Variants in CMIP observed in about 807,000 individuals in gnomAD.
The protein encoded by CMIP is C-Maf-inducing protein.
CMIP carries 13 observed loss-of-function variants against 97.3 expected under a neutral mutation model. The ratio of observed to expected loss-of-function variants is 0.13; its 90% CI spans 0.09 to 0.21. The LOEUF (loss-of-function observed/expected upper bound fraction) is 0.21. Ranked by LOEUF, CMIP falls within the 10% of genes least tolerant of loss-of-function variation. The pLI, the probability that CMIP is intolerant of heterozygous loss-of-function variation, is 1.00. For synonymous variants in CMIP, 538 were observed against 436.3 expected (o/e 1.23, Z -2.91); for missense variants, 847 against 1,024.9 (o/e 0.83, Z 2.37).
At chr16:81,599,709 T>C (rs550627834) in intron 1 of CMIP, among the ~76,000 whole-genome samples, 98 of 152,324 alleles carry the variant, frequency 6.4e-4, no homozygotes, top group African/African-American at 2.2e-3. Flanking sequence ...ATCCTGGGCC[T>C]GTCTTATAAG....
At chr16:81,483,950 G>A (rs532741890) in intron 1 of CMIP, among the ~76,000 whole-genome samples, 1 of 152,232 alleles carries the variant, frequency 6.6e-6, no homozygotes, top group East Asian at 1.9e-4. Flanking sequence ...TCATAAACTG[G>A]GAACTTGTGT....
At chr16:81,673,351 A>G (rs948529094) in intron 9 of CMIP, among the ~76,000 whole-genome samples, 1 of 152,130 alleles carries the variant, frequency 6.6e-6, no homozygotes, top group Non-Finnish European at 1.5e-5. Context: ...CCCCGTCTCT[A>G]CTAAAAAAAT....
At chr16:81,484,892 C>T (rs963866800) in intron 1 of CMIP, among the ~76,000 whole-genome samples, 1 of 151,942 alleles carries the variant, frequency 6.6e-6, no homozygotes, top group Non-Finnish European at 1.5e-5. Context: ...CAGATATACC[C>T]TCTTCCCTGC....
At chr16:81,709,635 G>A (rs1319665266) in intron 20 of CMIP, 111 bp from the exon 21 acceptor site, 2 of 1,208,830 alleles carry the variant, frequency 1.7e-6, no homozygotes, top group South Asian at 2.7e-5. Context: ...GCACCAAGGT[G>A]GGGAGAGGGT....
At chr16:81,663,241 G>A (rs2092566944) in intron 6 of CMIP, among the ~76,000 whole-genome samples, 1 of 151,970 alleles carries the variant, frequency 6.6e-6, no homozygotes, top group African/African-American at 2.4e-5. Flanking sequence ...CACCCAAAAT[G>A]CCTTCCAGTG....
intron 1 of CMIP, among the ~76,000 whole-genome samples, chr16:81,491,810 G>T (rs1425650999): frequency 6.6e-6 from 1 of 152,144 alleles, no homozygotes; most frequent in Non-Finnish European, 1.5e-5. Flanking sequence ...TCTTGGTCTT[G>T]GCCCATCTGT....
intron 1 of CMIP, among the ~76,000 whole-genome samples, chr16:81,544,239 A>G (rs1368150141): frequency 6.6e-6 from 1 of 152,176 alleles, no homozygotes; most frequent in Non-Finnish European, 1.5e-5. Flanking sequence ...ATCCCTTTTC[A>G]ATGTGGGTGC....
chr16:81,639,303 C>G (rs2092275425), intron 3 of CMIP, among the ~76,000 whole-genome samples: 1 of 152,246 alleles, frequency 6.6e-6, no homozygotes, highest in Non-Finnish European at 1.5e-5. Context: ...TCATTTGAAC[C>G]AGGTTTAGGT....
chr16:81,619,688 A>G (rs887076327), intron 2 of CMIP: 8 of 152,222 alleles, frequency 5.3e-5, no homozygotes, highest in African/African-American at 1.9e-4. Context: ...GTTGTGGTTT[A>G]CAGCAGGGGT....
chr16:81,478,909 C>A (rs144652285), intron 1 of CMIP, among the ~76,000 whole-genome samples: 73 of 152,292 alleles, frequency 4.8e-4, no homozygotes, highest in African/African-American at 1.7e-3. Context: ...GGAGCCAGCC[C>A]AGCCTCGTCT....
At chr16:81,618,793 A>C (rs779980259) in intron 2 of CMIP, 2 of 152,212 alleles carry the variant, frequency 1.3e-5, no homozygotes, top group Admixed American at 1.3e-4. Context: ...GTGGCTGCTG[A>C]CGCTGCTGGC....
rs535955715 is a variant in CMIP, at chr16:81,550,601, C to T, written c.301-56966C>T. On this transcript the variant is annotated intron_variant, in intron 1 of 20. Coordinates refer to ENST00000537098, the MANE Select transcript of CMIP (RefSeq NM_198390.3). ...CTAGGTGTGGCCTGGGGTCACATGG[C>T]TGCTATTGCTAGGATAGACCAGGAG... Among the ~76,000 whole-genome samples the T allele has an allele frequency of 8.5e-5, 13 of 152,286 alleles. No homozygotes were observed. In the South Asian group the frequency reaches 2.7e-3, roughly 32 times the overall value.
At chr16:81,566,970 C>A (rs888672295) in intron 1 of CMIP, among the ~76,000 whole-genome samples, 1 of 152,236 alleles carries the variant, frequency 6.6e-6, no homozygotes, top group Non-Finnish European at 1.5e-5. Flanking sequence ...ATGGTTACTT[C>A]TTGAGGGAAT....
intron 13 of CMIP, among the ~76,000 whole-genome samples, chr16:81,694,298 C>G (rs77223914): frequency 0.037 from 5,568 of 152,226 alleles, 182 homozygotes; most frequent in African/African-American, 0.091. Flanking sequence ...CGCCCTAACT[C>G]CCAGTTGAGG....
At chr16:81,564,448 A>G (rs2090942857) in intron 1 of CMIP, among the ~76,000 whole-genome samples, 1 of 152,220 alleles carries the variant, frequency 6.6e-6, no homozygotes, top group African/African-American at 2.4e-5. Context: ...ATTACAGAGG[A>G]ATCTAGTCTT....
intron 4 of CMIP, among the ~76,000 whole-genome samples, chr16:81,657,366 G>A (rs1689208123): frequency 6.6e-6 from 1 of 152,150 alleles, no homozygotes; most frequent in Non-Finnish European, 1.5e-5. Flanking sequence ...ACTCTTGAAA[G>A]GTCTGTTTCT....
chr16:81,601,405 G>A (rs1431735942), intron 1 of CMIP, among the ~76,000 whole-genome samples: 1 of 139,078 alleles, frequency 7.2e-6, no homozygotes, highest in Non-Finnish European at 1.7e-5. Context: ...GGGGCCCAAT[G>A]GGGGCTCTTT....
chr16:81,705,483 T>A lies in CMIP; in HGVS notation c.2092-16T>A, dbSNP rs1597279740. 2 of 1,570,894 alleles carry A rather than the reference T, an allele frequency of 1.3e-6. No individual in the cohort carries two copies. The highest frequency in any genetic ancestry group is 1.7e-6 in the Non-Finnish European group (2 of 1,153,962). On this transcript the variant is annotated splice_polypyrimidine_tract_variant and intron_variant, in intron 18 of 20. Coordinates refer to ENST00000537098, the MANE Select transcript of CMIP (RefSeq NM_198390.3). ...GGAGTGGCCGGGAGAGGGCTGAGAG[T>A]TTCTGTGCTCTACAGTTTGGAGACG...
chr16:81,547,639 G>A (rs1193154520), intron 1 of CMIP, among the ~76,000 whole-genome samples: 5 of 152,036 alleles, frequency 3.3e-5, no homozygotes, highest in Non-Finnish European at 7.4e-5. Flanking sequence ...GAGGAGGAAG[G>A]AAGGGATCTC....
Sources: allele counts gnomAD v4.1 joint callset (sites outside exome capture counted in the v4.1 genomes callset), GRCh38; gene constraint gnomAD v4.1.1; transcripts MANE v1.5; gene names NCBI Gene and HGNC (gene_info 2026-07-23, HGNC 2026-07-21).